Variants in GINS2 observed in about 807,000 individuals in gnomAD.
GINS2 encodes the protein GINS complex subunit 2, also known as DNA replication complex GINS protein PSF2.
Under a neutral mutation model 21.2 loss-of-function variants are expected in GINS2, and 23 were observed. That is an observed-to-expected ratio of 1.08 (90% CI 0.78 to 1.53). The LOEUF (loss-of-function observed/expected upper bound fraction) is 1.53, where lower values mean the gene tolerates loss of function less well. GINS2 is among the 40% of genes most tolerant of loss of function. GINS2 has a pLI of 0.00. For synonymous variants in GINS2, 118 were observed against 85.6 expected (o/e 1.38, Z -2.09); for missense variants, 323 against 233.9 (o/e 1.38, Z -2.49).
chr16:85,678,250 G>T lies in GINS2; in HGVS notation c.520C>A (p.Leu174Ile). ...GACTGAGTACTCTCCAGAGGCTGGA[G>T]GTTCGTGCGGAGTTTGTACATGTGG... is the stretch of plus-strand genomic sequence containing the variant. Reference protein sequence around the residue: ...LNHMYKLRTNLQPLESTQSQD... With the variant: ...LNHMYKLRTNIQPLESTQSQD... Residue 174 changes from leucine to isoleucine, a missense_variant, in exon 5 of 5, where the codon CTC becomes ATC. Leu to Ile is a conservative substitution (Grantham distance 5, BLOSUM62 2). Transcript: ENST00000253462. 6.2e-7 allele frequency: 1 copy of T among 1,613,528 alleles called. No individual in the cohort carries two copies. The highest frequency in any genetic ancestry group is 1.3e-5 in the African/African-American group (1 of 75,032).
In GINS2 at chr16:85,679,356, C is replaced by A. The variant is rs951509662; in HGVS notation, c.306-690G>T. Among the ~76,000 whole-genome samples the A allele has an allele frequency of 2.0e-5, 3 of 152,214 alleles. 1 individual carries two copies. In the East Asian group the frequency reaches 5.8e-4, roughly 29 times the overall value. On this transcript the variant is annotated intron_variant, in intron 3 of 4. Transcript: ENST00000253462. The stretch of plus-strand genomic sequence containing the variant: ...GGAAGGCTTTCACAAAGTCGAGGCT[C>A]CCGTTGTGAAGTATTTTAAACTAAC...
chr16:85,679,114 G>A (rs1000995429), intron 3 of GINS2, among the ~76,000 whole-genome samples: 2 of 152,206 alleles, frequency 1.3e-5, no homozygotes, highest in African/African-American at 2.4e-5. Context: ...ACAGCCTAGA[G>A]AAGGAAAACG....
Position 85,688,924 on chromosome 16 carries a change from C to T in GINS2, c.-26G>A. On this transcript the variant is annotated 5_prime_UTR_variant, in exon 1 of 5. Transcript: ENST00000253462. ...GGCGGCGCGAGCTGCAGGCCAGAGC[C>T]TCACGGTCTCCTCGGGCCCCTCAGC... 4 of 1,501,664 alleles carry T rather than the reference C, an allele frequency of 2.7e-6. No individual in the cohort carries two copies. The highest frequency in any genetic ancestry group is 3.6e-6 in the Non-Finnish European group (4 of 1,111,310). 93.0% of individuals were successfully genotyped at this position (1,501,664 alleles called of 1,614,324 possible).
At position 85,688,815 on chromosome 16, in the gene GINS2, G is replaced by A. The variant is rs1207782831; in HGVS notation, c.84C>T (p.Leu28=). 3 of 1,530,206 alleles carry A rather than the reference G, an allele frequency of 2.0e-6. No homozygotes were observed. The highest frequency in any genetic ancestry group is 1.2e-5 in the South Asian group (1 of 82,284). The allele number at this position is 1,530,206 out of a possible 1,614,324, so 94.8% of individuals were successfully genotyped here. ...IPNFSLDKIY[L]IGGDLGPFNP... ...CGGCGGGCCCAGGCCTCACCCCGAT[G>A]AGGTAGATCTTGTCCAGACTGAAGT... is the stretch of plus-strand genomic sequence containing the variant. The change falls in exon 1 of 5, where the codon CTC becomes CTT. Residue 28 remains leucine (L), a synonymous_variant. Coordinates refer to ENST00000253462, the MANE Select transcript of GINS2 (RefSeq NM_016095.3).
At chr16:85,684,114 G>C (rs2152052236) in intron 2 of GINS2, among the ~76,000 whole-genome samples, 1 of 152,316 alleles carries the variant, frequency 6.6e-6, no homozygotes, top group East Asian at 1.9e-4. Flanking sequence ...AGCACTTTGG[G>C]AGACCGAGGT....
Position 85,687,509 on chromosome 16 carries a change from C to G in GINS2, c.156G>C (p.Leu52=), listed in dbSNP as rs575672192. ...GCAGGCGACATTTCTGTCTTTGTTT[C>G]AGGTTAATCGCCAGCCACAGGGGCA... The part of the protein sequence containing the change: ...VEVPLWLAIN[L]KQRQKCRLLP... Residue 52 remains leucine (L), a synonymous_variant, in exon 2 of 5, where the codon CTG becomes CTC. Coordinates refer to ENST00000253462, the MANE Select transcript of GINS2 (RefSeq NM_016095.3). 2 of 1,597,208 alleles carry G rather than the reference C, an allele frequency of 1.3e-6. No homozygotes were observed. Among genetic ancestry groups the G allele is most frequent in the South Asian group, 2.3e-5 (2 of 88,586 alleles).
rs1598754693 is a variant in GINS2 at position 85,676,282 on chromosome 16, A to T, written c.*1930T>A. On this transcript the variant is annotated 3_prime_UTR_variant, in exon 5 of 5. Coordinates refer to ENST00000253462, the MANE Select transcript of GINS2 (RefSeq NM_016095.3). Reference sequence around the variant, plus strand: ...AATAACTATACATCTCCGCAGACGGAGCTGCCTCCACTGGCTCAGGCTCTA... The same window carrying T: ...AATAACTATACATCTCCGCAGACGGTGCTGCCTCCACTGGCTCAGGCTCTA... 1 of 152,318 alleles carries T rather than the reference A, an allele frequency of 6.6e-6. No homozygotes were observed. The highest frequency in any genetic ancestry group is 1.9e-4 in the East Asian group (1 of 5,204). 9.4% of individuals were successfully genotyped at this position (152,318 alleles called of 1,614,324 possible).
At chr16:85,685,670 C>CAAAAAAAAAAACAAAAAAA (rs2053768398) in intron 2 of GINS2, among the ~76,000 whole-genome samples, 2 of 55,278 alleles carry the variant, frequency 3.6e-5, no homozygotes, top group African/African-American at 1.2e-4. Flanking sequence ...GACCCTTTCT[C>CAAAAAAAAAAACAAAAAAA]AAAAAAAAAA....
chr16:85,681,555 G>T, intron 3 of GINS2, 27 bp downstream of exon 3: 1 of 1,302,210 alleles, frequency 7.7e-7, no homozygotes, highest in Non-Finnish European at 1.1e-6. Flanking sequence ...TCTTGGGTGT[G>T]GCCTCTAAGA....
chr16:85,683,767 C>G (rs752638071), intron 2 of GINS2, among the ~76,000 whole-genome samples: 26 of 152,260 alleles, frequency 1.7e-4, no homozygotes, highest in Non-Finnish European at 3.5e-4. Flanking sequence ...GCAGAGTGAT[C>G]CTTTCATTAA....
rs752631926 is a variant in GINS2 at position 85,685,670 on chromosome 16, C to CAAAAAAAAAAAAAAAAAAAAAA, written c.205+1789_205+1790insTTTTTTTTTTTTTTTTTTTTTT. ...TGGGTGACAGAGCAAGACCCTTTCT[C>CAAAAAAAAAAAAAAAAAAAAAA]AAAAAAAAAAAAAAAAAAAAACCGT... On this transcript the variant is annotated intron_variant, in intron 2 of 4. Coordinates refer to ENST00000253462, the MANE Select transcript of GINS2 (RefSeq NM_016095.3). Among the ~76,000 whole-genome samples the CAAAAAAAAAAAAAAAAAAAAAA allele has an allele frequency of 1.7e-3, 93 of 55,230 alleles. 5 individuals carry two copies. The highest frequency in any genetic ancestry group is 2.1e-3 in the African/African-American group (35 of 16,418). The allele number at this position is 55,230 out of a possible 152,430, so 36.2% of individuals were successfully genotyped here.
chr16:85,687,493 AT>A lies in GINS2; in HGVS notation c.171del (p.Lys57AsnfsTer12). ...ATCCACTCTGGAGGGAGCAGGCGACATTTCTGTCTTTGTTTCAGGTTAATCG... is the reference window on the plus strand; with the variant it reads ...ATCCACTCTGGAGGGAGCAGGCGACATTCTGTCTTTGTTTCAGGTTAATCG... The part of the protein sequence containing the change: ...WLAINLKQRQ[K>X]CRLLPPEWMD... On this transcript the variant is annotated frameshift_variant, in exon 2 of 5. Coordinates refer to ENST00000253462, the MANE Select transcript of GINS2 (RefSeq NM_016095.3). LOFTEE classifies it high-confidence loss of function. 1 of 1,593,036 alleles carries A rather than the reference AT, an allele frequency of 6.3e-7. No homozygotes were observed.
At chr16:85,687,783 CT>C (rs1413485669) in intron 1 of GINS2, 1 of 451,180 alleles carries the variant, frequency 2.2e-6, no homozygotes, top group Non-Finnish European at 3.9e-6. Context: ...TCCTTCTGGC[CT>C]TTCCGCGGAC....
chr16:85,682,480 C>T (rs1300101033), intron 2 of GINS2, among the ~76,000 whole-genome samples: 1 of 147,448 alleles, frequency 6.8e-6, no homozygotes, highest in Admixed American at 6.7e-5. Flanking sequence ...GGGCGTGATA[C>T]AATATCCTAG....
rs1466470668 is a variant in GINS2, at chr16:85,678,198, C to A, written c.*14G>T. ...CTCACATCCCCCAGCAAGCCGCCTG[C>A]ACCAGGCCTTTCTCTAGAAGTCCTG... is the stretch of plus-strand genomic sequence containing the variant. On this transcript the variant is annotated 3_prime_UTR_variant, in exon 5 of 5. Transcript: ENST00000253462. 4 of 1,612,016 alleles carry A rather than the reference C, an allele frequency of 2.5e-6. No homozygotes were observed. Among genetic ancestry groups the A allele is most frequent in the Non-Finnish European group, 3.4e-6 (4 of 1,179,508 alleles).
chr16:85,678,410 A>C (rs189494449), intron 4 of GINS2, 73 bp from the exon 5 acceptor site: 2 of 1,576,426 alleles, frequency 1.3e-6, no homozygotes, highest in African/African-American at 2.7e-5. Context: ...CTACTGAATA[A>C]AAATAAGAAA....
chr16:85,685,678 A>AAAAAAAAACAAAAAAAACAAAAC (rs1335754213), intron 2 of GINS2, among the ~76,000 whole-genome samples: 3 of 143,896 alleles, frequency 2.1e-5, no homozygotes, highest in African/African-American at 8.3e-5. Context: ...CTCAAAAAAA[A>AAAAAAAAACAAAAAAAACAAAAC]AAAAAAAAAA....
At chr16:85,685,653 A>G (rs2053767997) in intron 2 of GINS2, among the ~76,000 whole-genome samples, 1 of 142,668 alleles carries the variant, frequency 7.0e-6, no homozygotes, top group Admixed American at 7.2e-5. Flanking sequence ...CCTGGGTGAC[A>G]GAGCAAGACC....
rs1011091572 is a variant in GINS2, at chr16:85,678,125, G to A, written c.*87C>T. On this transcript the variant is annotated 3_prime_UTR_variant, in exon 5 of 5. Coordinates refer to ENST00000253462, the MANE Select transcript of GINS2 (RefSeq NM_016095.3). ...ATCACACATTTTTCATGCATCAGAA[G>A]TGTTTCTAGAGCTCCAGAACCACGA... 1 of 1,142,710 alleles carries A rather than the reference G, an allele frequency of 8.8e-7. No homozygotes were observed. Among genetic ancestry groups the A allele is most frequent in the Non-Finnish European group, 1.3e-6 (1 of 778,504 alleles). The allele number at this position is 1,142,710 out of a possible 1,614,324, so 70.8% of individuals were successfully genotyped here. A position where few individuals can be genotyped will look rare whatever the true frequency, so the allele number is the denominator to read the frequency against.
Sources: allele counts gnomAD v4.1 joint callset (sites outside exome capture counted in the v4.1 genomes callset), GRCh38; gene constraint gnomAD v4.1.1; transcripts MANE v1.5; gene names NCBI Gene and HGNC (gene_info 2026-07-23, HGNC 2026-07-21).